The following MAGI2 variants were observed in gnomAD, a reference collection of about 807,000 sequenced individuals.
MAGI2 encodes the protein membrane associated guanylate kinase, WW and PDZ domain containing 2.
Under a neutral mutation model 133.3 loss-of-function variants are expected in MAGI2, and 35 were observed. The ratio of observed to expected loss-of-function variants is 0.26; its 90% CI spans 0.20 to 0.35. The LOEUF (loss-of-function observed/expected upper bound fraction) is 0.35. Ranked by LOEUF, MAGI2 falls within the 10% of genes least tolerant of loss-of-function variation. The probability of loss-of-function intolerance (pLI) is 1.00; values close to 1 mark genes in which losing one functional copy is unlikely to be tolerated. For missense variants in MAGI2, 1,636 were observed against 1,863.4 expected, an observed-to-expected ratio of 0.88 and a Z score of 2.25; for synonymous variants, 729 against 710.6, an observed-to-expected ratio of 1.03 and a Z score of -0.41.
intron 1 of MAGI2, among the ~76,000 whole-genome samples, chr7:79,170,991 A>T (rs1473173227): frequency 1.3e-5 from 2 of 152,150 alleles, no homozygotes; most frequent in Admixed American, 1.3e-4. Flanking sequence ...AACATATATC[A>T]TAAACTATCA....
chr7:79,170,604 G>A (rs1410258031), intron 1 of MAGI2, among the ~76,000 whole-genome samples: 1 of 152,022 alleles, frequency 6.6e-6, no homozygotes, highest in African/African-American at 2.4e-5. Context: ...CTAAGCTTCT[G>A]GATAAATGAG....
At chr7:79,386,773 G>C (rs565284296) in intron 1 of MAGI2, among the ~76,000 whole-genome samples, 2 of 152,070 alleles carry the variant, frequency 1.3e-5, no homozygotes, top group South Asian at 4.1e-4. Context: ...TTAAAAGGTG[G>C]TGCCTTTGGG....
chr7:79,135,993 A>AAGACAGAGAGAG (rs1554375862), intron 1 of MAGI2, among the ~76,000 whole-genome samples: 8 of 49,598 alleles, frequency 1.6e-4, no homozygotes, highest in African/African-American at 4.1e-4. Flanking sequence ...GAAAGAAAGA[A>AAGACAGAGAGAG]AGAAAGAAAG....
At chr7:78,812,467 T>G (rs1465694894) in intron 2 of MAGI2, among the ~76,000 whole-genome samples, 1 of 152,146 alleles carries the variant, frequency 6.6e-6, no homozygotes, top group Admixed American at 6.5e-5. Flanking sequence ...TTAGCAGGTA[T>G]CTCTTGAAAT....
intron 2 of MAGI2, among the ~76,000 whole-genome samples, chr7:78,936,900 G>T (rs918331858): frequency 6.6e-6 from 1 of 151,948 alleles, no homozygotes; most frequent in Non-Finnish European, 1.5e-5. Flanking sequence ...AAACATATAT[G>T]CCTGCTTGAG....
At chr7:78,145,332 CT>C (rs896253233) in intron 16 of MAGI2, among the ~76,000 whole-genome samples, 4 of 151,292 alleles carry the variant, frequency 2.6e-5, no homozygotes, top group African/African-American at 9.7e-5. Flanking sequence ...TTTCCCTGTA[CT>C]TTTTTTTTGT....
At chr7:78,349,353 A>G (rs1190474314) in intron 7 of MAGI2, among the ~76,000 whole-genome samples, 1 of 152,214 alleles carries the variant, frequency 6.6e-6, no homozygotes, top group Non-Finnish European at 1.5e-5. Context: ...GTACTAGGAT[A>G]TCAACTTTTC....
rs1029749481 is a variant in MAGI2, at chr7:79,034,124, C to G, written c.302-26918G>C. Among the ~76,000 whole-genome samples, 19 of 152,134 alleles carry G rather than the reference C, an allele frequency of 1.2e-4. 1 individual carries two copies. The highest frequency in any genetic ancestry group is 1.2e-3 in the Admixed American group (19 of 15,276). ...AAATAGAAATTGTTGGGTTTGCTATCATAATGCCACTGAGTTCTCCAAAAG... is the reference window on the plus strand; with the variant it reads ...AAATAGAAATTGTTGGGTTTGCTATGATAATGCCACTGAGTTCTCCAAAAG... On this transcript the variant is annotated intron_variant, in intron 1 of 21. Coordinates refer to ENST00000354212, the MANE Select transcript of MAGI2 (RefSeq NM_012301.4).
At chr7:78,486,962 G>T in intron 6 of MAGI2, 1 of 526,294 alleles carries the variant, frequency 1.9e-6, no homozygotes. Flanking sequence ...CGGGTCCATG[G>T]CTGGCAGTGG....
intron 1 of MAGI2, among the ~76,000 whole-genome samples, chr7:79,153,049 A>C (rs940973623): frequency 6.6e-6 from 1 of 152,322 alleles, no homozygotes; most frequent in African/African-American, 2.4e-5. Flanking sequence ...ATATAGTATC[A>C]CTTATTCATA....
chr7:78,731,916 C>A (rs1821401295), intron 2 of MAGI2, among the ~76,000 whole-genome samples: 1 of 152,128 alleles, frequency 6.6e-6, no homozygotes, highest in South Asian at 2.1e-4. Flanking sequence ...TCAGGAGATT[C>A]ACTCTCTTTA....
At chr7:78,735,355 T>C (rs1821748021) in intron 2 of MAGI2, among the ~76,000 whole-genome samples, 1 of 152,192 alleles carries the variant, frequency 6.6e-6, no homozygotes, top group Non-Finnish European at 1.5e-5. Context: ...CCAGAAGTTT[T>C]ATGTCCTATT....
At chr7:79,027,845 A>G (rs2116765722) in intron 1 of MAGI2, among the ~76,000 whole-genome samples, 1 of 152,306 alleles carries the variant, frequency 6.6e-6, no homozygotes, top group South Asian at 2.1e-4. Flanking sequence ...GTGACTACCC[A>G]AGAATAATTT....
At chr7:79,227,689 C>T (rs1585255314) in intron 1 of MAGI2, among the ~76,000 whole-genome samples, 1 of 152,156 alleles carries the variant, frequency 6.6e-6, no homozygotes, top group African/African-American at 2.4e-5. Flanking sequence ...ATCTGAACTA[C>T]AACTCTCAAC....
chr7:78,573,257 A>AATATAAATATATATATATAAATATAT (rs1584692897), intron 3 of MAGI2, among the ~76,000 whole-genome samples: 2 of 21,962 alleles, frequency 9.1e-5, no homozygotes, highest in African/African-American at 1.7e-4. Context: ...AATATATATA[A>AATATAAATATATATATATAAATATAT]ATATAAATAT....
At chr7:78,303,946 T>G (rs1798052888) in intron 9 of MAGI2, among the ~76,000 whole-genome samples, 2 of 152,094 alleles carry the variant, frequency 1.3e-5, no homozygotes, top group Non-Finnish European at 2.9e-5. Context: ...AACTCTTAAT[T>G]CCTACTCCCC....
At chr7:78,439,414 T>A (rs1380840672) in intron 6 of MAGI2, among the ~76,000 whole-genome samples, 1 of 152,014 alleles carries the variant, frequency 6.6e-6, no homozygotes, top group Non-Finnish European at 1.5e-5. Context: ...TACAGCAGGA[T>A]TTGAGGGATA....
chr7:78,872,477 AAGTT>A (rs1795110355), intron 2 of MAGI2, among the ~76,000 whole-genome samples: 1 of 152,150 alleles, frequency 6.6e-6, no homozygotes, highest in Non-Finnish European at 1.5e-5. Flanking sequence ...TTTGAATCTT[AAGTT>A]AGTAATTAAA....
intron 2 of MAGI2, among the ~76,000 whole-genome samples, chr7:78,923,886 C>T (rs1214333810): frequency 6.6e-6 from 1 of 151,988 alleles, no homozygotes; most frequent in African/African-American, 2.4e-5. Context: ...GTGGTTTGTA[C>T]TTCTCCTTGA....
Sources: gnomAD v4.1 joint callset for allele counts (sites outside exome capture counted in the v4.1 genomes callset) on GRCh38, gnomAD v4.1.1 for gene constraint, MANE v1.5 for transcripts, NCBI Gene and HGNC (gene_info 2026-07-23, HGNC 2026-07-21) for gene names.